Variants in ALDOB observed in about 807,000 individuals in gnomAD.
ALDOB encodes the protein aldolase, fructose-bisphosphate B.
A neutral mutation model predicts 41.0 loss-of-function variants in ALDOB; 39 were observed. The observed-to-expected ratio is 0.95, with a 90% confidence interval of 0.74 to 1.24. The LOEUF is 1.24. Among genes scored for constraint, ALDOB ranks in the 50% most tolerant of loss-of-function variants. ALDOB has a pLI of 0.00. For synonymous variants in ALDOB, 175 were observed against 168.8 expected (o/e 1.04, Z -0.28); for missense variants, 530 against 457.3 (o/e 1.16, Z -1.45).
chr9:101,429,971 G>T lies in ALDOB; in HGVS notation c.113-5C>A. 2 of 1,613,844 alleles carry T rather than the reference G, an allele frequency of 1.2e-6. No individual in the cohort carries two copies. Among genetic ancestry groups the T allele is most frequent in the Non-Finnish European group, 1.7e-6 (2 of 1,179,912 alleles). On this transcript the variant is annotated splice_polypyrimidine_tract_variant and splice_region_variant and intron_variant, in intron 2 of 8. Coordinates refer to ENST00000647789, the MANE Select transcript of ALDOB (RefSeq NM_000035.4). Reference sequence around the variant, plus strand: ...GCAGGCGGTTCCCCATGGTACCTATGGTGGGAGGGCCAAGGGCAGCATAAG... The same window carrying T: ...GCAGGCGGTTCCCCATGGTACCTATTGTGGGAGGGCCAAGGGCAGCATAAG...
At chr9:101,431,832 TCTC>T (rs1831224829) in intron 1 of ALDOB, among the ~76,000 whole-genome samples, 1 of 152,032 alleles carries the variant, frequency 6.6e-6, no homozygotes, top group Non-Finnish European at 1.5e-5. Flanking sequence ...AATGCCAGGG[TCTC>T]CTCCTTTCTC....
intron 4 of ALDOB, among the ~76,000 whole-genome samples, chr9:101,428,078 G>T (rs1169711356): frequency 1.3e-5 from 2 of 152,138 alleles, no homozygotes; most frequent in African/African-American, 4.8e-5. Context: ...ATAGAACCAG[G>T]ATTCAAACCC....
intron 5 of ALDOB, among the ~76,000 whole-genome samples, chr9:101,426,868 A>G (rs2118352003): frequency 6.6e-6 from 1 of 152,340 alleles, no homozygotes; most frequent in East Asian, 1.9e-4. Flanking sequence ...GAACCTAGCT[A>G]CTGCCTTTTT....
rs756357123 is a variant in ALDOB, at chr9:101,427,504, C to G, written c.518G>C (p.Arg173Pro). 5 of 1,614,060 alleles carry G rather than the reference C, an allele frequency of 3.1e-6. No individual in the cohort carries two copies. The African/African-American group carries it at 6.7e-5, about 22-fold the overall frequency. Residue 173 changes from arginine (R) to proline (P), a missense_variant, in exon 5 of 9, where the codon CGC becomes CCC. Transcript: ENST00000647789. ...CACCTGCTGACAGATGCTGGCGTAG[C>G]GAGCCAGGGCGTTGGCGTTTTCCTG... is the stretch of plus-strand genomic sequence containing the variant. The part of the protein sequence containing the change: ...AIQENANALA[R>P]YASICQQNGL...
intron 5 of ALDOB, among the ~76,000 whole-genome samples, chr9:101,427,071 G>A (rs1353403311): frequency 6.6e-6 from 1 of 152,140 alleles, no homozygotes; most frequent in African/African-American, 2.4e-5. Flanking sequence ...GGAAACTTTA[G>A]CATCTGGTCA....
Position 101,425,008 on chromosome 9 carries a change from C to T in ALDOB, c.834G>A (p.Glu278=). The part of the protein sequence containing the change: ...ICFLSGGMSE[E]DATLNLNAIN... ...TAGCATTGAGGTTGAGAGTGGCATC[C>T]TCTTCACTCATGCCACCAGACAAAA... The change falls in exon 8 of 9, where the codon GAG becomes GAA. Residue 278 remains glutamate, a synonymous_variant. Transcript: ENST00000647789. 6.2e-7 allele frequency: 1 copy of T among 1,614,202 alleles called. No homozygotes were observed. The highest frequency in any genetic ancestry group is 8.5e-7 in the Non-Finnish European group (1 of 1,180,038).
At chr9:101,427,365 T>C (rs1831146197) in intron 5 of ALDOB, 117 bp downstream of exon 5, 20 of 1,336,884 alleles carry the variant, frequency 1.5e-5, no homozygotes, top group Non-Finnish European at 2.1e-5. Flanking sequence ...AAAATGCCAC[T>C]AGGATATACT....
At position 101,421,494 on chromosome 9, in the gene ALDOB, A is replaced by G; in HGVS notation, c.*315T>C. ...TACACTCAGCTAATGAGGTGTTTCA[A>G]TCAGCAGTTGTTCTTTGGATGAGGA... On this transcript the variant is annotated 3_prime_UTR_variant, in exon 9 of 9. Coordinates refer to ENST00000647789, the MANE Select transcript of ALDOB (RefSeq NM_000035.4). The G allele has an allele frequency of 2.4e-6, 1 of 413,932 alleles. No homozygotes were observed. The highest frequency in any genetic ancestry group is 2.1e-5 in the South Asian group (1 of 47,734). The allele number at this position is 413,932 out of a possible 1,614,324, so 25.6% of individuals were successfully genotyped here.
chr9:101,427,674 T>C, intron 4 of ALDOB, 32 bp from the exon 5 acceptor site: 1 of 1,612,896 alleles, frequency 6.2e-7, no homozygotes, highest in Non-Finnish European at 8.5e-7. Flanking sequence ...AAGGCTTCTT[T>C]GTACCTTTGT....
At chr9:101,432,198 C>T (rs982860084) in intron 1 of ALDOB, among the ~76,000 whole-genome samples, 1 of 152,202 alleles carries the variant, frequency 6.6e-6, no homozygotes, top group Non-Finnish European at 1.5e-5. Context: ...AACTGATGAT[C>T]TCATTGTTGC....
rs506571 is a variant in ALDOB, at chr9:101,425,118, A to G, written c.800-76T>C. ...GCTTGAGAAAGCAAGCAATGAACCTACCAGAAAAGTAATGTCTCAGTCTTT... is the reference window on the plus strand; with the variant it reads ...GCTTGAGAAAGCAAGCAATGAACCTGCCAGAAAAGTAATGTCTCAGTCTTT... On this transcript the variant is annotated intron_variant, in intron 7 of 8. Coordinates refer to ENST00000647789, the MANE Select transcript of ALDOB (RefSeq NM_000035.4). 633,299 of 1,487,140 alleles carry G rather than the reference A, an allele frequency of 0.43. 138,294 individuals carry two copies. Among genetic ancestry groups the G allele is most frequent in the Admixed American group, 0.58 (34,082 of 58,754 alleles). The allele number at this position is 1,487,140 out of a possible 1,614,324, so 92.1% of individuals were successfully genotyped here. A position where few individuals can be genotyped will look rare whatever the true frequency, so the allele number is the denominator to read the frequency against.
chr9:101,425,108 C>T, intron 7 of ALDOB, 66 bp from the exon 8 acceptor site: 1 of 1,547,410 alleles, frequency 6.5e-7, no homozygotes, highest in Non-Finnish European at 8.9e-7. Context: ...AGAAAGCAAG[C>T]AATGAACCTA....
rs781491253 is a variant in ALDOB, at chr9:101,421,815, G to A, written c.1089C>T (p.Thr363=). ...STQSLFTACY[T]Y ...GGCTGGCGGGCATTGGACCCTAGTA[G>A]GTATAGCAGGCTGTGAAGAGCGACT... is the stretch of plus-strand genomic sequence containing the variant. The change falls in exon 9 of 9, where the codon ACC becomes ACT. Residue 363 remains threonine (T), a synonymous_variant. Coordinates refer to ENST00000647789, the MANE Select transcript of ALDOB (RefSeq NM_000035.4). 6.2e-7 allele frequency: 1 copy of A among 1,613,934 alleles called. No individual in the cohort carries two copies. Among genetic ancestry groups the A allele is most frequent in the Non-Finnish European group, 8.5e-7 (1 of 1,179,940 alleles).
rs902219663 is a variant in ALDOB at position 101,421,457 on chromosome 9, G to T, written c.*352C>A. 2.8e-6 allele frequency: 1 copy of T among 363,590 alleles called. No individual in the cohort carries two copies. The highest frequency in any genetic ancestry group is 5.3e-6 in the Non-Finnish European group (1 of 187,288). 22.5% of individuals were successfully genotyped at this position (363,590 alleles called of 1,614,324 possible). On this transcript the variant is annotated 3_prime_UTR_variant, in exon 9 of 9. Coordinates refer to ENST00000647789, the MANE Select transcript of ALDOB (RefSeq NM_000035.4). The stretch of plus-strand genomic sequence containing the variant: ...TACCACTGCTAAGACTGTTTCATAA[G>T]ATGCACTTCTCTACACTCAGCTAAT...
rs781725589 is a variant in ALDOB at position 101,424,989 on chromosome 9, T to C, written c.853A>G (p.Asn285Asp). 6.2e-7 allele frequency: 1 copy of C among 1,614,168 alleles called. No homozygotes were observed. Among genetic ancestry groups the C allele is most frequent in the East Asian group, 2.2e-5 (1 of 44,870 alleles). ...GGTAGAGGGCAAAGGTTGATAGCAT[T>C]GAGGTTGAGAGTGGCATCCTCTTCA... ...MSEEDATLNL[N>D]AINLCPLPKP... Residue 285 changes from asparagine (N) to aspartate (D), a missense_variant, in exon 8 of 9, where the codon AAT becomes GAT. Coordinates refer to ENST00000647789, the MANE Select transcript of ALDOB (RefSeq NM_000035.4).
chr9:101,435,109 G>A (rs1172670289), intron 1 of ALDOB, among the ~76,000 whole-genome samples: 2 of 152,090 alleles, frequency 1.3e-5, no homozygotes, highest in Admixed American at 6.6e-5. Context: ...AAACATGAAG[G>A]GTTTGGAAAT....
chr9:101,426,555 C>G lies in ALDOB; in HGVS notation c.624G>C (p.Lys208Asn), dbSNP rs777128205. 2 of 1,605,224 alleles carry G rather than the reference C, an allele frequency of 1.2e-6. No homozygotes were observed. Among genetic ancestry groups the G allele is most frequent in the South Asian group, 2.2e-5 (2 of 90,874 alleles). ...DLEHCQYVTE[K>N]VLAAVYKALN... Reference sequence around the variant, plus strand: ...TGGGGCCTTCATATTTAAAACTTACCTTCTCAGTAACATACTGGCAGTGTT... The same window carrying G: ...TGGGGCCTTCATATTTAAAACTTACGTTCTCAGTAACATACTGGCAGTGTT... Residue 208 changes from lysine to asparagine, a missense_variant and splice_region_variant, in exon 6 of 9, where the codon AAG becomes AAC. Physicochemically the swap from Lys to Asn is moderately conservative, Grantham distance 94. Coordinates refer to ENST00000647789, the MANE Select transcript of ALDOB (RefSeq NM_000035.4).
chr9:101,430,413 T>A (rs1384408522), intron 2 of ALDOB, among the ~76,000 whole-genome samples: 1 of 152,228 alleles, frequency 6.6e-6, no homozygotes, highest in African/African-American at 2.4e-5. Context: ...CTATTCCAGA[T>A]GCAGATACTT....
At position 101,421,623 on chromosome 9, in the gene ALDOB, C is replaced by G; in HGVS notation, c.*186G>C. ...CTGCTGTGTGAAATTTGATCAGGTC[C>G]TTGGTATTCATTTTTATGTTTCAAT... On this transcript the variant is annotated 3_prime_UTR_variant, in exon 9 of 9. Transcript: ENST00000647789. 3.0e-6 allele frequency: 2 copies of G among 677,672 alleles called. No homozygotes were observed. The highest frequency in any genetic ancestry group is 5.4e-6 in the Non-Finnish European group (2 of 368,268). 42.0% of individuals were successfully genotyped at this position (677,672 alleles called of 1,614,324 possible).
Sources: allele counts gnomAD v4.1 joint callset (sites outside exome capture counted in the v4.1 genomes callset), GRCh38; gene constraint gnomAD v4.1.1; transcripts MANE v1.5; gene names NCBI Gene and HGNC (gene_info 2026-07-23, HGNC 2026-07-21).